The following DLG2 variants were observed in gnomAD, a reference collection of about 807,000 sequenced individuals.
DLG2 encodes the protein discs large MAGUK scaffold protein 2.
Under a neutral mutation model 132.5 loss-of-function variants are expected in DLG2, and 45 were observed. That is an observed-to-expected ratio of 0.34 (90% confidence interval 0.27 to 0.44). The LOEUF is 0.44. Among genes scored for constraint, DLG2 ranks in the 20% least tolerant of loss-of-function variants. The pLI is 1.00. For missense variants in DLG2, 1,045 were observed against 1,196.9 expected, an observed-to-expected ratio of 0.87 and a Z score of 1.87; for synonymous variants, 424 against 419.6, an observed-to-expected ratio of 1.01 and a Z score of -0.13.
intron 6 of DLG2, among the ~76,000 whole-genome samples, chr11:85,104,872 C>CAAAAAAAAAAAAAAAAAAAAAA (rs56043190): frequency 3.6e-5 from 2 of 56,054 alleles, no homozygotes; most frequent in African/African-American, 1.4e-4. Flanking sequence ...GGCTGAATGG[C>CAAAAAAAAAAAAAAAAAAAAAA]AAAAAAAAAA....
At chr11:85,415,419 CT>C (rs2089742790) in intron 3 of DLG2, among the ~76,000 whole-genome samples, 1 of 152,106 alleles carries the variant, frequency 6.6e-6, no homozygotes, top group African/African-American at 2.4e-5. Flanking sequence ...GTTCTAGATC[CT>C]TGAGGAATTG....
At chr11:84,674,153 C>T (rs1417078065) in intron 6 of DLG2, among the ~76,000 whole-genome samples, 1 of 152,106 alleles carries the variant, frequency 6.6e-6, no homozygotes, top group East Asian at 1.9e-4. Flanking sequence ...ATTTGTCCAT[C>T]TTTCTGAATT....
intron 6 of DLG2, among the ~76,000 whole-genome samples, chr11:85,079,042 C>T (rs2066909606): frequency 6.6e-6 from 1 of 151,746 alleles, no homozygotes; most frequent in African/African-American, 2.4e-5. Flanking sequence ...TCTGAGACAT[C>T]AATCAATACA....
chr11:85,226,342 C>G (rs550227004), intron 4 of DLG2, among the ~76,000 whole-genome samples: 6 of 151,820 alleles, frequency 4.0e-5, no homozygotes, highest in Admixed American at 3.3e-4. Context: ...TAAGACAAAC[C>G]AGGATGTTGT....
At chr11:85,557,836 C>T (rs1307690432) in intron 3 of DLG2, among the ~76,000 whole-genome samples, 1 of 151,764 alleles carries the variant, frequency 6.6e-6, no homozygotes. Context: ...AGTGTAAGAC[C>T]TCAAATTAGA....
In DLG2 at chr11:84,685,985, CCTATTTT is replaced by C. The variant is rs1178514014; in HGVS notation, c.358-151261_358-151255del. Among the ~76,000 whole-genome samples, 15 of 152,330 alleles carry C rather than the reference CCTATTTT, an allele frequency of 9.8e-5. 1 individual carries two copies. In the East Asian group the frequency reaches 2.3e-3, roughly 24 times the overall value. ...TACAGGCGTGAGCCACCGCGCCCGG[CCTATTTT>C]CTGTATTCTTTAGGCCAGCAGCAGT... On this transcript the variant is annotated intron_variant, in intron 6 of 27. Transcript: ENST00000376104.
intron 7 of DLG2, chr11:84,316,942 G>A (rs1460554751): frequency 1.2e-6 from 2 of 1,612,822 alleles, no homozygotes; most frequent in Non-Finnish European, 1.7e-6. Flanking sequence ...TCCTGTTGAA[G>A]CTGGACCCCC....
chr11:83,476,288 G>C (rs529876876), intron 22 of DLG2, among the ~76,000 whole-genome samples: 1 of 152,196 alleles, frequency 6.6e-6, no homozygotes, highest in Middle Eastern at 3.4e-3. Context: ...ATTACTCTCT[G>C]TGATCTTGAC....
intron 15 of DLG2, among the ~76,000 whole-genome samples, chr11:83,928,214 G>T (rs1373582248): frequency 7.2e-5 from 11 of 152,022 alleles, no homozygotes; most frequent in Admixed American, 7.2e-4. Flanking sequence ...AATGGTGGAT[G>T]GGGGTTGGGG....
At chr11:85,007,760 T>C (rs1020260063) in intron 6 of DLG2, among the ~76,000 whole-genome samples, 3 of 151,924 alleles carry the variant, frequency 2.0e-5, no homozygotes, top group Non-Finnish European at 4.4e-5. Flanking sequence ...GTTTTCTACT[T>C]GATTTTATGT....
At chr11:83,657,530 TATTC>T (rs1204173591) in intron 18 of DLG2, among the ~76,000 whole-genome samples, 3 of 142,512 alleles carry the variant, frequency 2.1e-5, no homozygotes, top group Non-Finnish European at 4.5e-5. Flanking sequence ...ATATATTGTC[TATTC>T]TTTTTTTTTT....
At chr11:85,146,908 G>A (rs1468137478) in intron 5 of DLG2, among the ~76,000 whole-genome samples, 3 of 152,216 alleles carry the variant, frequency 2.0e-5, no homozygotes, top group Non-Finnish European at 4.4e-5. Context: ...TACCACTGGG[G>A]TGGAGAATTC....
At chr11:85,024,765 C>CT (rs763396181) in intron 6 of DLG2, among the ~76,000 whole-genome samples, 1 of 152,130 alleles carries the variant, frequency 6.6e-6, no homozygotes, top group African/African-American at 2.4e-5. Context: ...TCTGCAAACA[C>CT]TTTTTTTCCA....
At chr11:84,705,953 G>A (rs1273601705) in intron 6 of DLG2, among the ~76,000 whole-genome samples, 1 of 151,770 alleles carries the variant, frequency 6.6e-6, no homozygotes, top group Non-Finnish European at 1.5e-5. Context: ...TGTTCTGGAT[G>A]TTAAGTCCCA....
At chr11:85,152,244 ATTT>A (rs200542714) in intron 5 of DLG2, among the ~76,000 whole-genome samples, 1 of 145,836 alleles carries the variant, frequency 6.9e-6, no homozygotes, top group Non-Finnish European at 1.5e-5. Flanking sequence ...TTATTTATTA[ATTT>A]TTTTTTTTTT....
At chr11:84,660,219 C>T (rs899907265) in intron 6 of DLG2, among the ~76,000 whole-genome samples, 1 of 152,080 alleles carries the variant, frequency 6.6e-6, no homozygotes. Flanking sequence ...GGCATTCCTA[C>T]CAGGCATCAT....
intron 3 of DLG2, among the ~76,000 whole-genome samples, chr11:85,595,507 G>A (rs2079683291): frequency 6.6e-6 from 1 of 152,150 alleles, no homozygotes; most frequent in Non-Finnish European, 1.5e-5. Context: ...TAAATGTGCA[G>A]CATCTAGCAT....
At chr11:83,929,387 A>T (rs1395164723) in intron 15 of DLG2, among the ~76,000 whole-genome samples, 1 of 152,170 alleles carries the variant, frequency 6.6e-6, no homozygotes, top group Non-Finnish European at 1.5e-5. Context: ...GGAACATTAC[A>T]ATTGGGATCT....
intron 7 of DLG2, among the ~76,000 whole-genome samples, chr11:84,376,187 T>G (rs72959601): frequency 0.017 from 2,612 of 152,030 alleles, 35 homozygotes; most frequent in Non-Finnish European, 0.029. Flanking sequence ...CTCTCTCTCT[T>G]TTTAATTCTT....
Sources: gnomAD v4.1 joint callset for allele counts (sites outside exome capture counted in the v4.1 genomes callset) on GRCh38, gnomAD v4.1.1 for gene constraint, MANE v1.5 for transcripts, NCBI Gene and HGNC (gene_info 2026-07-23, HGNC 2026-07-21) for gene names.